PRKN: variants seen among roughly 807,000 people sequenced by gnomAD.
The protein encoded by PRKN is parkin RBR E3 ubiquitin protein ligase.
PRKN carries 56 observed loss-of-function variants against 59.5 expected under a neutral mutation model. That is an observed-to-expected ratio of 0.94 (90% confidence interval 0.76 to 1.18). The LOEUF is 1.18. Ranked by LOEUF, PRKN falls within the 50% of genes most tolerant of loss-of-function variation. The pLI, the probability that PRKN is intolerant of heterozygous loss-of-function variation, is 0.00. For missense variants in PRKN, 657 were observed against 596.4 expected (o/e 1.10, Z -1.06); for synonymous variants, 250 against 222.1 (o/e 1.13, Z -1.12).
At chr6:161,398,835 G>A (rs1256778374) in intron 9 of PRKN, among the ~76,000 whole-genome samples, 1 of 152,132 alleles carries the variant, frequency 6.6e-6, no homozygotes, top group Non-Finnish European at 1.5e-5. Flanking sequence ...AGGTTGTAGT[G>A]AGGAGATGAG....
intron 6 of PRKN, among the ~76,000 whole-genome samples, chr6:161,842,581 T>A (rs1227995467): frequency 6.6e-6 from 1 of 152,078 alleles, no homozygotes; most frequent in Non-Finnish European, 1.5e-5. Flanking sequence ...TTTTCTTTTT[T>A]TGAGACAGAG....
chr6:161,684,378 G>A (rs2128173395), intron 7 of PRKN, among the ~76,000 whole-genome samples: 1 of 152,076 alleles, frequency 6.6e-6, no homozygotes, highest in Admixed American at 6.5e-5. Flanking sequence ...TACCCACCGT[G>A]CCCAATCTCA....
At position 162,545,920 on chromosome 6, in the gene PRKN, T is replaced by C. The variant is rs1019034253; in HGVS notation, c.8-102447A>G. ...AATTTAGGATATGTAACAGGTGACT[T>C]AGTTCAGGGTTGTTCCTAGAGGTAA... On this transcript the variant is annotated intron_variant, in intron 1 of 11. Coordinates refer to ENST00000366898, the MANE Select transcript of PRKN (RefSeq NM_004562.3). Among the ~76,000 whole-genome samples, 20 of 152,192 alleles carry C rather than the reference T, an allele frequency of 1.3e-4. 1 individual carries two copies. Among genetic ancestry groups the C allele is most frequent in the African/African-American group, 4.6e-4 (19 of 41,522 alleles).
chr6:161,994,975 G>A (rs1012365926), intron 5 of PRKN, among the ~76,000 whole-genome samples: 2 of 150,120 alleles, frequency 1.3e-5, no homozygotes, highest in Non-Finnish European at 3.0e-5. Context: ...AAGACCCTGA[G>A]TAGCCAAAGC....
intron 7 of PRKN, among the ~76,000 whole-genome samples, chr6:161,779,823 A>T (rs1002990145): frequency 3.3e-5 from 5 of 152,144 alleles, no homozygotes; most frequent in Non-Finnish European, 7.3e-5. Flanking sequence ...ATCAAGGCAA[A>T]GCCAAATAAA....
At chr6:162,667,855 G>A (rs1024533863) in intron 1 of PRKN, among the ~76,000 whole-genome samples, 7 of 152,020 alleles carry the variant, frequency 4.6e-5, no homozygotes, top group African/African-American at 1.4e-4. Context: ...TTATCTCTTA[G>A]GGTTGTTATG....
chr6:162,593,144 T>C (rs528869969), intron 1 of PRKN, among the ~76,000 whole-genome samples: 1 of 152,246 alleles, frequency 6.6e-6, no homozygotes, highest in African/African-American at 2.4e-5. Flanking sequence ...TAGGGGTTAA[T>C]TAGGAAGTAT....
intron 6 of PRKN, among the ~76,000 whole-genome samples, chr6:161,875,124 A>G (rs1271195676): frequency 1.5e-5 from 2 of 134,636 alleles, no homozygotes; most frequent in African/African-American, 2.9e-5. Context: ...TATATAAAGT[A>G]TATATTATAT....
chr6:162,287,965 G>A (rs1562642660), intron 2 of PRKN, among the ~76,000 whole-genome samples: 1 of 152,116 alleles, frequency 6.6e-6, no homozygotes, highest in Non-Finnish European at 1.5e-5. Flanking sequence ...TGGGCTTGGG[G>A]CTCCATGACC....
At chr6:161,565,339 C>T (rs1780600952) in intron 8 of PRKN, among the ~76,000 whole-genome samples, 1 of 152,084 alleles carries the variant, frequency 6.6e-6, no homozygotes. Context: ...TCCCTCCTCA[C>T]CCTCCTAAAT....
At chr6:161,851,693 C>T (rs1350248460) in intron 6 of PRKN, among the ~76,000 whole-genome samples, 1 of 144,578 alleles carries the variant, frequency 6.9e-6, no homozygotes, top group Admixed American at 6.9e-5. Flanking sequence ...ACCCTGTTGG[C>T]CAGTCTGGTC....
At chr6:161,967,242 C>A (rs1034082158) in intron 6 of PRKN, among the ~76,000 whole-genome samples, 1 of 151,892 alleles carries the variant, frequency 6.6e-6, no homozygotes, top group Non-Finnish European at 1.5e-5. Context: ...GTCTCTTATA[C>A]ATCGGCCTAC....
At chr6:161,896,331 T>C (rs1777625330) in intron 6 of PRKN, among the ~76,000 whole-genome samples, 1 of 152,192 alleles carries the variant, frequency 6.6e-6, no homozygotes, top group Non-Finnish European at 1.5e-5. Flanking sequence ...ATGGGCAGCT[T>C]CCATTCCCTG....
At chr6:162,637,639 C>G (rs1365689476) in intron 1 of PRKN, among the ~76,000 whole-genome samples, 1 of 152,110 alleles carries the variant, frequency 6.6e-6, no homozygotes, top group Non-Finnish European at 1.5e-5. Flanking sequence ...TATTTGACTT[C>G]TGTATTCTCT....
In PRKN at chr6:161,457,913, A is replaced by G. The variant is rs935584973; in HGVS notation, c.1084-71036T>C. ...TTTGGGAAAAGGACGCCAATAATCAAAAGACCTGCAGAAAAGGTGATTTGG... is the reference window on the plus strand; with the variant it reads ...TTTGGGAAAAGGACGCCAATAATCAGAAGACCTGCAGAAAAGGTGATTTGG... On this transcript the variant is annotated intron_variant, in intron 9 of 11. Coordinates refer to ENST00000366898, the MANE Select transcript of PRKN (RefSeq NM_004562.3). This position sits in a 1 kb window ranked among gnomAD's most constrained non-coding sequence, Gnocchi z 5.0. Among the ~76,000 whole-genome samples, 1 of 152,228 alleles carries G rather than the reference A, an allele frequency of 6.6e-6. No individual in the cohort carries two copies. Among genetic ancestry groups the G allele is most frequent in the African/African-American group, 2.4e-5 (1 of 41,464 alleles).
chr6:161,982,777 C>T (rs371114414), intron 5 of PRKN, among the ~76,000 whole-genome samples: 2 of 44,026 alleles, frequency 4.5e-5, no homozygotes, highest in Admixed American at 3.3e-4. Flanking sequence ...AAGATTTAAA[C>T]GTTAAACCTA....
chr6:162,058,041 T>C (rs114392075), intron 4 of PRKN, among the ~76,000 whole-genome samples: 1 of 152,314 alleles, frequency 6.6e-6, no homozygotes, highest in African/African-American at 2.4e-5. Flanking sequence ...TTTTAATGTC[T>C]GTTTCTCTGT....
At chr6:162,346,818 C>T (rs1392596782) in intron 2 of PRKN, among the ~76,000 whole-genome samples, 1 of 151,968 alleles carries the variant, frequency 6.6e-6, no homozygotes, top group Non-Finnish European at 1.5e-5. Context: ...TTTCATGTTA[C>T]TCCAGACAGG....
chr6:161,791,782 C>T (rs140245704), intron 6 of PRKN, among the ~76,000 whole-genome samples: 34 of 152,326 alleles, frequency 2.2e-4, no homozygotes, highest in African/African-American at 5.5e-4. Flanking sequence ...GCCACGCTCA[C>T]GCTCTGGGGT....
Sources: allele counts gnomAD v4.1 joint callset (sites outside exome capture counted in the v4.1 genomes callset), GRCh38; gene constraint gnomAD v4.1.1; non-coding constraint Gnocchi (gnomAD v3.1); transcripts MANE v1.5; gene names NCBI Gene and HGNC (gene_info 2026-07-23, HGNC 2026-07-21).